DLGAP2: variants seen among roughly 807,000 people sequenced by gnomAD.
DLGAP2 encodes the protein disks large-associated protein 2.
DLGAP2 carries 26 observed loss-of-function variants against 100.3 expected under a neutral mutation model. The observed-to-expected ratio is 0.26, with a 90% confidence interval of 0.19 to 0.36. The LOEUF is 0.36. Among genes scored for constraint, DLGAP2 ranks in the 10% least tolerant of loss-of-function variants. The probability of loss-of-function intolerance (pLI) is 1.00; values close to 1 mark genes in which losing one functional copy is unlikely to be tolerated. For missense variants in DLGAP2, 1,858 were observed against 1,453.2 expected, an observed-to-expected ratio of 1.28 and a Z score of -4.53; for synonymous variants, 886 against 630.1, an observed-to-expected ratio of 1.41 and a Z score of -6.08.
At chr8:885,383 T>C (rs1438246574) in intron 1 of DLGAP2, among the ~76,000 whole-genome samples, 2 of 152,166 alleles carry the variant, frequency 1.3e-5, no homozygotes, top group African/African-American at 4.8e-5. Context: ...ATTTTCTTTG[T>C]AGTGATTGTG....
chr8:1,437,331 A>G (rs1282177876), intron 3 of DLGAP2, among the ~76,000 whole-genome samples: 1 of 152,246 alleles, frequency 6.6e-6, no homozygotes. Context: ...GCGCTCCACA[A>G]TGCTCACACA....
chr8:945,958 T>G (rs1799308819), intron 2 of DLGAP2, among the ~76,000 whole-genome samples: 2 of 152,266 alleles, frequency 1.3e-5, no homozygotes, highest in South Asian at 2.1e-4. Flanking sequence ...TCTTCTCCTG[T>G]GCCCTTTTAA....
At chr8:1,348,387 C>T (rs1271947620) in intron 3 of DLGAP2, among the ~76,000 whole-genome samples, 22 of 146,496 alleles carry the variant, frequency 1.5e-4, no homozygotes, top group South Asian at 2.2e-4. Flanking sequence ...AGGTTGAGTT[C>T]CCACACAGAG....
At chr8:1,507,478 T>C (rs2130353745) in intron 4 of DLGAP2, among the ~76,000 whole-genome samples, 1 of 152,102 alleles carries the variant, frequency 6.6e-6, no homozygotes, top group Non-Finnish European at 1.5e-5. Context: ...CACCCAGAAC[T>C]CGCGCTGGCC....
At chr8:1,328,577 C>T (rs1311097975) in intron 3 of DLGAP2, among the ~76,000 whole-genome samples, 2 of 152,128 alleles carry the variant, frequency 1.3e-5, no homozygotes, top group African/African-American at 2.4e-5. Context: ...TCTTGAACTC[C>T]TGACCTCAGG....
chr8:1,348,633 C>G (rs1445094583), intron 3 of DLGAP2, among the ~76,000 whole-genome samples: 3 of 152,182 alleles, frequency 2.0e-5, no homozygotes, highest in Non-Finnish European at 2.9e-5. Flanking sequence ...GGTTGAGTTC[C>G]CACACAGAGC....
intron 3 of DLGAP2, among the ~76,000 whole-genome samples, chr8:1,435,046 T>C (rs1428998993): frequency 6.6e-6 from 1 of 152,206 alleles, no homozygotes; most frequent in African/African-American, 2.4e-5. Context: ...ATTTCAATGG[T>C]CACTTTGGCT....
chr8:1,466,998 T>G (rs1156477982), intron 3 of DLGAP2, among the ~76,000 whole-genome samples: 1 of 152,182 alleles, frequency 6.6e-6, no homozygotes, highest in African/African-American at 2.4e-5. Flanking sequence ...CTGAACACTT[T>G]GAAGCTTCAA....
chr8:1,310,849 C>T (rs1239807570), intron 3 of DLGAP2, among the ~76,000 whole-genome samples: 2 of 151,912 alleles, frequency 1.3e-5, no homozygotes, highest in Admixed American at 6.6e-5. Context: ...ACATTTTAGC[C>T]ACAGTGACAT....
At chr8:1,538,243 C>A (rs574631819) in intron 4 of DLGAP2, among the ~76,000 whole-genome samples, 26 of 152,292 alleles carry the variant, frequency 1.7e-4, no homozygotes, top group Non-Finnish European at 3.2e-4. Context: ...TCTGCATCCA[C>A]CCAAATACAC....
At chr8:1,488,168 T>C (rs577971017) in intron 3 of DLGAP2, among the ~76,000 whole-genome samples, 41 of 152,132 alleles carry the variant, frequency 2.7e-4, no homozygotes, top group Non-Finnish European at 5.4e-4. Flanking sequence ...GGAGTCCTTC[T>C]TCCACACAGT....
chr8:1,559,355 T>C (rs2906576), intron 5 of DLGAP2, among the ~76,000 whole-genome samples: 69,271 of 152,094 alleles, frequency 0.46, 15,913 homozygotes, highest in Middle Eastern at 0.57. Flanking sequence ...AGGGTTCGAA[T>C]GCTGTAACAT....
At chr8:1,532,801 T>C (rs1028757121) in intron 4 of DLGAP2, among the ~76,000 whole-genome samples, 1 of 152,180 alleles carries the variant, frequency 6.6e-6, no homozygotes, top group Non-Finnish European at 1.5e-5. Context: ...TCGGTTATAG[T>C]CAAATGTTTT....
chr8:1,255,736 G>A (rs1431739467), intron 2 of DLGAP2, among the ~76,000 whole-genome samples: 1 of 139,136 alleles, frequency 7.2e-6, no homozygotes, highest in Non-Finnish European at 1.6e-5. Flanking sequence ...TCTCCTGCCC[G>A]AGCACTGTAT....
intron 2 of DLGAP2, among the ~76,000 whole-genome samples, chr8:1,142,469 T>A (rs1078798): frequency 3.9e-5 from 6 of 152,104 alleles, no homozygotes; most frequent in African/African-American, 1.4e-4. Context: ...TGTTCCCTTA[T>A]GGCTTCGATA....
At chr8:766,697 G>A (rs1435479214) in intron 1 of DLGAP2, among the ~76,000 whole-genome samples, 1 of 152,166 alleles carries the variant, frequency 6.6e-6, no homozygotes, top group African/African-American at 2.4e-5. Context: ...TTCATTCTTT[G>A]AAAAGCAGCT....
chr8:1,211,489 T>C (rs556672206), intron 2 of DLGAP2, among the ~76,000 whole-genome samples: 62 of 152,348 alleles, frequency 4.1e-4, no homozygotes, highest in Non-Finnish European at 7.9e-4. Context: ...AACAATGATA[T>C]AAAGTACTCT....
At chr8:1,664,320 C>G (rs1174523611) in intron 8 of DLGAP2, among the ~76,000 whole-genome samples, 1 of 152,166 alleles carries the variant, frequency 6.6e-6, no homozygotes, top group East Asian at 1.9e-4. Flanking sequence ...GCTGGCCCGT[C>G]CTACTCCTGC....
intron 2 of DLGAP2, among the ~76,000 whole-genome samples, chr8:1,174,286 C>T (rs996238681): frequency 6.6e-6 from 1 of 151,868 alleles, no homozygotes; most frequent in African/African-American, 2.4e-5. Flanking sequence ...CCATCATCAC[C>T]ACCATCATCA....
Sources: allele counts gnomAD v4.1 joint callset (sites outside exome capture counted in the v4.1 genomes callset), GRCh38; gene constraint gnomAD v4.1.1; transcripts MANE v1.5; gene names NCBI Gene and HGNC (gene_info 2026-07-23, HGNC 2026-07-21).